The following SPON1 variants were observed in gnomAD, a reference collection of about 807,000 sequenced individuals.
SPON1 encodes spondin-1.
In SPON1, 52 loss-of-function variants were observed where a neutral mutation model predicts 111.7. The ratio of observed to expected loss-of-function variants is 0.47; its 90% CI spans 0.37 to 0.59. SPON1 has a LOEUF of 0.59. Among genes scored for constraint, SPON1 ranks in the 20% least tolerant of loss-of-function variants. The probability of loss-of-function intolerance (pLI) is 0.00; values close to 1 mark genes in which losing one functional copy is unlikely to be tolerated. For missense variants in SPON1, 957 were observed against 1,068.5 expected (o/e 0.90, Z 1.46); for synonymous variants, 410 against 395.8 (o/e 1.04, Z -0.43).
At chr11:14,176,909 C>T (rs75756709) in intron 6 of SPON1, among the ~76,000 whole-genome samples, 11,775 of 152,116 alleles carry the variant, frequency 0.077, 557 homozygotes, top group East Asian at 0.17. Context: ...TAGACAGAGC[C>T]GATTATTCAA....
Position 14,141,164 on chromosome 11 carries a change from T to G in SPON1, c.825+5596T>G, listed in dbSNP as rs569902859. On this transcript the variant is annotated intron_variant, in intron 6 of 15. Coordinates refer to ENST00000576479, the MANE Select transcript of SPON1 (RefSeq NM_006108.4). ...TCACCACGCACTAGCTCCTGCTTAC[T>G]GTTCTGAGTTAGACTTTCCTCCCTA... Among the ~76,000 whole-genome samples the G allele has an allele frequency of 3.4e-3, 517 of 152,204 alleles. 1 individual carries two copies. Among genetic ancestry groups the G allele is most frequent in the African/African-American group, 0.012 (490 of 41,460 alleles).
At chr11:14,086,393 A>G (rs1004624988) in intron 5 of SPON1, among the ~76,000 whole-genome samples, 19 of 152,282 alleles carry the variant, frequency 1.2e-4, no homozygotes, top group African/African-American at 4.3e-4. Context: ...TTCTGCATCT[A>G]TTGAGATAAT....
In SPON1 at chr11:14,135,315, G is replaced by A. The variant is rs1847578006; in HGVS notation, c.677-105G>A. ...CTAAGACAGAATAGGTGCTTAGTCA[G>A]TGCTCTTTGAATCGATGTCCAATTA... is the stretch of plus-strand genomic sequence containing the variant. On this transcript the variant is annotated intron_variant, in intron 5 of 15. Coordinates refer to ENST00000576479, the MANE Select transcript of SPON1 (RefSeq NM_006108.4). This position sits in a 1 kb window ranked among gnomAD's most constrained non-coding sequence, Gnocchi z 4.4. 1.2e-5 allele frequency: 15 copies of A among 1,302,976 alleles called. No individual in the cohort carries two copies. Among genetic ancestry groups the A allele is most frequent in the Non-Finnish European group, 1.6e-5 (15 of 933,760 alleles). 80.7% of individuals were successfully genotyped at this position (1,302,976 alleles called of 1,614,324 possible).
intron 5 of SPON1, among the ~76,000 whole-genome samples, chr11:14,127,642 T>C (rs1847476265): frequency 6.6e-6 from 1 of 152,236 alleles, no homozygotes; most frequent in Non-Finnish European, 1.5e-5. Flanking sequence ...TGAATGAGAA[T>C]AGCATCTGTA....
At chr11:14,261,775 G>A (rs1366701788) in intron 14 of SPON1, among the ~76,000 whole-genome samples, 1 of 152,164 alleles carries the variant, frequency 6.6e-6, no homozygotes, top group Non-Finnish European at 1.5e-5. Context: ...ACTGAAGTAA[G>A]GGAGAAGAAA....
chr11:14,131,399 G>A (rs1300033546), intron 5 of SPON1, among the ~76,000 whole-genome samples: 1 of 152,114 alleles, frequency 6.6e-6, no homozygotes, highest in Non-Finnish European at 1.5e-5. Flanking sequence ...TTAGATGTTT[G>A]AGCCTAGCAT....
chr11:14,182,031 A>T (rs1848239387), intron 6 of SPON1, among the ~76,000 whole-genome samples: 1 of 152,186 alleles, frequency 6.6e-6, no homozygotes, highest in Admixed American at 6.5e-5. Context: ...CCATGAGGCA[A>T]CCATGACAGC....
chr11:14,218,629 C>G (rs1554937333), intron 6 of SPON1, among the ~76,000 whole-genome samples: 1 of 152,106 alleles, frequency 6.6e-6, no homozygotes, highest in Non-Finnish European at 1.5e-5. Flanking sequence ...CAGTATATTT[C>G]TAGTCATGGT....
At chr11:14,091,964 A>C (rs1426039115) in intron 5 of SPON1, among the ~76,000 whole-genome samples, 1 of 152,178 alleles carries the variant, frequency 6.6e-6, no homozygotes, top group Non-Finnish European at 1.5e-5. Flanking sequence ...CTTCCTGGGC[A>C]AGGCGACACC....
intron 6 of SPON1, among the ~76,000 whole-genome samples, chr11:14,222,647 T>C (rs1163610714): frequency 5.3e-5 from 8 of 152,206 alleles, no homozygotes; most frequent in African/African-American, 1.4e-4. Flanking sequence ...CTCATCTGTA[T>C]GTATACCATC....
At chr11:14,236,683 G>C (rs1245289012) in intron 6 of SPON1, among the ~76,000 whole-genome samples, 1 of 152,224 alleles carries the variant, frequency 6.6e-6, no homozygotes, top group Non-Finnish European at 1.5e-5. Context: ...AAGTGAATAG[G>C]AGTCAGCGAG....
Position 14,011,685 on chromosome 11 carries a change from C to T in SPON1, c.345+28732C>T, listed in dbSNP as rs112543410. On this transcript the variant is annotated intron_variant, in intron 2 of 15. Coordinates refer to ENST00000576479, the MANE Select transcript of SPON1 (RefSeq NM_006108.4). Reference sequence around the variant, plus strand: ...AGCTCACATTTCCCCACTGTAGGCACGTAGAGGGAGGGGAGTGAGGGAGGT... The same window carrying T: ...AGCTCACATTTCCCCACTGTAGGCATGTAGAGGGAGGGGAGTGAGGGAGGT... Among the ~76,000 whole-genome samples, 21 of 152,132 alleles carry T rather than the reference C, an allele frequency of 1.4e-4. 1 individual carries two copies. Among genetic ancestry groups the T allele is most frequent in the African/African-American group, 3.6e-4 (15 of 41,514 alleles).
chr11:14,254,430 T>C lies in SPON1; in HGVS notation c.891-98T>C, dbSNP rs529729634. ...TGGGAGACCACGAATGTGGATACTCTCTGTCCCTCTCATTCTTCATAATCC... is the reference window on the plus strand; with the variant it reads ...TGGGAGACCACGAATGTGGATACTCCCTGTCCCTCTCATTCTTCATAATCC... On this transcript the variant is annotated intron_variant, in intron 7 of 15. Coordinates refer to ENST00000576479, the MANE Select transcript of SPON1 (RefSeq NM_006108.4). The C allele has an allele frequency of 4.2e-5, 46 of 1,105,148 alleles. 2 individuals are homozygous for C. The South Asian group carries it at 7.3e-4, about 17-fold the overall frequency. The allele number at this position is 1,105,148 out of a possible 1,614,324, so 68.5% of individuals were successfully genotyped here. A position where few individuals can be genotyped will look rare whatever the true frequency, so the allele number is the denominator to read the frequency against.
At chr11:14,086,147 TG>T (rs1849004573) in intron 5 of SPON1, among the ~76,000 whole-genome samples, 1 of 152,144 alleles carries the variant, frequency 6.6e-6, no homozygotes, top group African/African-American at 2.4e-5. Flanking sequence ...TTCTTTCTCT[TG>T]CCTGATTGCC....
intron 2 of SPON1, among the ~76,000 whole-genome samples, chr11:14,005,394 A>T (rs1454142032): frequency 1.3e-5 from 2 of 152,128 alleles, no homozygotes; most frequent in African/African-American, 4.8e-5. Context: ...GCACTCTCCA[A>T]ACTCTGTCCT....
intron 6 of SPON1, among the ~76,000 whole-genome samples, chr11:14,154,364 G>A (rs1019263983): frequency 6.6e-6 from 1 of 152,210 alleles, no homozygotes; most frequent in Non-Finnish European, 1.5e-5. Context: ...TTTGCCACCT[G>A]CACACTCACA....
intron 5 of SPON1, among the ~76,000 whole-genome samples, chr11:14,104,960 G>T (rs1217745729): frequency 6.6e-6 from 1 of 152,070 alleles, no homozygotes; most frequent in Admixed American, 6.5e-5. Flanking sequence ...GTCTACTTAT[G>T]ACTATATCTT....
chr11:14,106,457 C>T (rs559646080), intron 5 of SPON1, among the ~76,000 whole-genome samples: 2 of 152,242 alleles, frequency 1.3e-5, no homozygotes, highest in East Asian at 3.9e-4. Context: ...AAAATATACC[C>T]TCAAGAATTG....
intron 5 of SPON1, among the ~76,000 whole-genome samples, chr11:14,095,453 A>G (rs556046851): frequency 1.4e-5 from 2 of 143,458 alleles, no homozygotes; most frequent in African/African-American, 5.2e-5. Flanking sequence ...GATAGATAAT[A>G]CATTTTTTTT....
Sources: allele counts gnomAD v4.1 joint callset (sites outside exome capture counted in the v4.1 genomes callset), GRCh38; gene constraint gnomAD v4.1.1; non-coding constraint Gnocchi (gnomAD v3.1); transcripts MANE v1.5; gene names NCBI Gene and HGNC (gene_info 2026-07-23, HGNC 2026-07-21).